DGKI: variants seen among roughly 807,000 people sequenced by gnomAD.
The protein encoded by DGKI is diacylglycerol kinase iota.
A neutral mutation model predicts 147.5 loss-of-function variants in DGKI; 55 were observed. That is an observed-to-expected ratio of 0.37 (90% CI 0.30 to 0.47). The LOEUF (loss-of-function observed/expected upper bound fraction) is 0.47. Among genes scored for constraint, DGKI ranks in the 20% least tolerant of loss-of-function variants. The pLI, the probability that DGKI is intolerant of heterozygous loss-of-function variation, is 1.00. For synonymous variants in DGKI, 469 were observed against 477.1 expected (o/e 0.98, Z 0.22); for missense variants, 1,007 against 1,323.8 (o/e 0.76, Z 3.71).
At chr7:137,422,267 C>T (rs1342609211) in intron 28 of DGKI, among the ~76,000 whole-genome samples, 1 of 152,192 alleles carries the variant, frequency 6.6e-6, no homozygotes, top group Non-Finnish European at 1.5e-5. Flanking sequence ...CACTTTCAAC[C>T]TGCTGTGTAA....
intron 1 of DGKI, among the ~76,000 whole-genome samples, chr7:137,832,079 C>T (rs1169114122): frequency 6.6e-6 from 1 of 152,238 alleles, no homozygotes; most frequent in Non-Finnish European, 1.5e-5. Flanking sequence ...ACCCTTGTGG[C>T]TTCGCAGGGT....
chr7:137,668,177 G>A (rs1260763034), intron 3 of DGKI, among the ~76,000 whole-genome samples: 14 of 152,214 alleles, frequency 9.2e-5, no homozygotes, highest in Non-Finnish European at 1.0e-4. Context: ...GATATTTAAC[G>A]TGATTGCTTC....
intron 12 of DGKI, among the ~76,000 whole-genome samples, chr7:137,591,187 G>A (rs1819596630): frequency 6.6e-6 from 1 of 152,198 alleles, no homozygotes. Context: ...AGTACACAGT[G>A]TGTGAATGTA....
chr7:137,546,457 TA>T (rs1817869722), intron 20 of DGKI, among the ~76,000 whole-genome samples: 4 of 152,306 alleles, frequency 2.6e-5, no homozygotes, highest in Admixed American at 2.6e-4. Flanking sequence ...ACAATCATCT[TA>T]AAAAGAGTGT....
chr7:137,766,653 C>A (rs973148293), intron 1 of DGKI, among the ~76,000 whole-genome samples: 2 of 152,100 alleles, frequency 1.3e-5, no homozygotes, highest in Admixed American at 1.3e-4. Flanking sequence ...ACTCAGCACA[C>A]CCAGGGCAGG....
chr7:137,423,760 A>G (rs765494051), intron 28 of DGKI, among the ~76,000 whole-genome samples: 1 of 152,250 alleles, frequency 6.6e-6, no homozygotes, highest in Non-Finnish European at 1.5e-5. Flanking sequence ...GTTCAGAGAC[A>G]TACCAGCAAA....
At chr7:137,565,249 T>C (rs1818545357) in intron 19 of DGKI, among the ~76,000 whole-genome samples, 1 of 152,076 alleles carries the variant, frequency 6.6e-6, no homozygotes, top group South Asian at 2.1e-4. Context: ...AAAAAGTAGG[T>C]AGCCATTTGT....
At chr7:137,802,216 T>C (rs541900174) in intron 1 of DGKI, among the ~76,000 whole-genome samples, 73 of 152,182 alleles carry the variant, frequency 4.8e-4, no homozygotes, top group African/African-American at 1.7e-3. Flanking sequence ...GGATAATATA[T>C]GAACTTTGGG....
chr7:137,395,717 G>C lies in DGKI; in HGVS notation c.2958-20C>G. On this transcript the variant is annotated intron_variant, in intron 31 of 32. Transcript: ENST00000614521. Reference sequence around the variant, plus strand: ...TCACCCCTAAATCAAAGATGAAATGGGAAACCACCCATAAAGGGGTTGGAG... The same window carrying C: ...TCACCCCTAAATCAAAGATGAAATGCGAAACCACCCATAAAGGGGTTGGAG... 1 of 1,612,102 alleles carries C rather than the reference G, an allele frequency of 6.2e-7. No individual in the cohort carries two copies. The highest frequency in any genetic ancestry group is 8.5e-7 in the Non-Finnish European group (1 of 1,178,334).
chr7:137,739,374 G>A (rs1320365638), intron 1 of DGKI, among the ~76,000 whole-genome samples: 2 of 152,240 alleles, frequency 1.3e-5, no homozygotes, highest in East Asian at 3.9e-4. Context: ...AAAATGAAAA[G>A]ACGGGCAAAA....
chr7:137,493,874 A>G, intron 21 of DGKI: 1 of 662,330 alleles, frequency 1.5e-6, no homozygotes, highest in Non-Finnish European at 2.7e-6. Flanking sequence ...ATGGACAGGA[A>G]TGAAGATCAT....
chr7:137,514,871 A>G (rs1382212042), intron 21 of DGKI, among the ~76,000 whole-genome samples: 1 of 152,150 alleles, frequency 6.6e-6, no homozygotes, highest in East Asian at 1.9e-4. Context: ...TGTTCTACCT[A>G]GTAGCCAAAT....
intron 21 of DGKI, among the ~76,000 whole-genome samples, chr7:137,514,776 A>T (rs78373660): frequency 0.01 from 1,593 of 152,196 alleles, 31 homozygotes; most frequent in African/African-American, 0.037. Context: ...TACTACTTTA[A>T]CTCTCTCATT....
At chr7:137,590,774 C>A (rs958424425) in intron 12 of DGKI, among the ~76,000 whole-genome samples, 1 of 152,148 alleles carries the variant, frequency 6.6e-6, no homozygotes, top group Non-Finnish European at 1.5e-5. Context: ...CTCACTGAAG[C>A]GTCTACCTCG....
At chr7:137,392,181 C>A (rs755046424) in intron 32 of DGKI, among the ~76,000 whole-genome samples, 9 of 152,076 alleles carry the variant, frequency 5.9e-5, no homozygotes, top group Non-Finnish European at 1.3e-4. Context: ...TAATTTCTTA[C>A]AGACTACTAT....
chr7:137,615,646 A>G (rs1261392059), intron 8 of DGKI, among the ~76,000 whole-genome samples: 1 of 151,402 alleles, frequency 6.6e-6, no homozygotes, highest in Non-Finnish European at 1.5e-5. Flanking sequence ...TCACTTCCCA[A>G]TGTCTTAAAT....
At chr7:137,440,169 T>C (rs1731913) in intron 28 of DGKI, among the ~76,000 whole-genome samples, 73,344 of 151,982 alleles carry the variant, frequency 0.48, 19,076 homozygotes, top group East Asian at 0.74. Context: ...ACAGAGGAAA[T>C]GCAGAGGACA....
At chr7:137,764,882 C>T (rs182210819) in intron 1 of DGKI, among the ~76,000 whole-genome samples, 1 of 152,328 alleles carries the variant, frequency 6.6e-6, no homozygotes, top group Admixed American at 6.5e-5. Flanking sequence ...CTTTCTGCCC[C>T]CTACCTATAC....
chr7:137,710,132 G>T (rs1436201654), intron 1 of DGKI, among the ~76,000 whole-genome samples: 1 of 152,032 alleles, frequency 6.6e-6, no homozygotes, highest in Non-Finnish European at 1.5e-5. Context: ...ATATTAGAAA[G>T]TCATTAAAAC....
Sources: gnomAD v4.1 joint callset for allele counts (sites outside exome capture counted in the v4.1 genomes callset) on GRCh38, gnomAD v4.1.1 for gene constraint, MANE v1.5 for transcripts, NCBI Gene and HGNC (gene_info 2026-07-23, HGNC 2026-07-21) for gene names.